The following DNAJC19 variants were observed in gnomAD, a reference collection of about 807,000 sequenced individuals.
DNAJC19 encodes mitochondrial import inner membrane translocase subunit TIM14.
Under a neutral mutation model 19.8 loss-of-function variants are expected in DNAJC19, and 15 were observed. The observed-to-expected ratio is 0.76, with a 90% CI of 0.51 to 1.17. DNAJC19 has a LOEUF of 1.17. DNAJC19 is among the 50% of genes most tolerant of loss of function. The pLI is 0.00. For missense variants in DNAJC19, 105 were observed against 140.9 expected, an observed-to-expected ratio of 0.75 and a Z score of 1.29; for synonymous variants, 38 against 42.1, an observed-to-expected ratio of 0.90 and a Z score of 0.38.
chr3:180,989,309 C>T, intron 1 of DNAJC19: 1 of 1,397,010 alleles, frequency 7.2e-7, no homozygotes, highest in Non-Finnish European at 9.3e-7. Flanking sequence ...CCACTAATCT[C>T]CGAGTCCATG....
At chr3:180,986,272 G>A (rs1319678689) in intron 4 of DNAJC19, among the ~76,000 whole-genome samples, 12 of 148,924 alleles carry the variant, frequency 8.1e-5, no homozygotes, top group Admixed American at 7.5e-4. Context: ...TGAAAATGAA[G>A]AAGGAAGAGT....
chr3:180,988,177 C>A lies in DNAJC19; in HGVS notation c.55+1G>T. 1 of 1,614,118 alleles carries A rather than the reference C, an allele frequency of 6.2e-7. No homozygotes were observed. Among genetic ancestry groups the A allele is most frequent in the Non-Finnish European group, 8.5e-7 (1 of 1,180,018 alleles). On this transcript the variant is annotated splice_donor_variant, in intron 2 of 5. Coordinates refer to ENST00000382564, the MANE Select transcript of DNAJC19 (RefSeq NM_145261.4). LOFTEE classifies it high-confidence loss of function. ...CTTCCATCCCCAAACCATAAACAAA[C>A]CTGCAAATCCTGCAGCAGCAATGGT...
At chr3:180,987,251 T>C in intron 3 of DNAJC19, 1 of 554,252 alleles carries the variant, frequency 1.8e-6, no homozygotes, top group Non-Finnish European at 3.2e-6. Context: ...CAATATGAAC[T>C]ATCTTAGAAA....
intron 1 of DNAJC19, 133 bp downstream of exon 1, chr3:180,989,467 C>T: frequency 6.5e-7 from 1 of 1,529,840 alleles, no homozygotes. Flanking sequence ...GTGAGTGTGA[C>T]TCCCCAATAA....
At chr3:180,986,841 C>G (rs1036373522) in intron 4 of DNAJC19, 102 bp downstream of exon 4, 2 of 955,792 alleles carry the variant, frequency 2.1e-6, no homozygotes, top group African/African-American at 3.3e-5. Flanking sequence ...AGGACAAAAT[C>G]CCCCATGACC....
chr3:180,984,857 C>T (rs1714818058), intron 5 of DNAJC19, 147 bp from the exon 6 acceptor site: 2 of 590,374 alleles, frequency 3.4e-6, no homozygotes, highest in South Asian at 2.1e-5. Context: ...ATAACCCTGA[C>T]ACTGCAACTG....
At chr3:180,988,570 G>A (rs1409593206) in intron 1 of DNAJC19, among the ~76,000 whole-genome samples, 1 of 151,784 alleles carries the variant, frequency 6.6e-6, no homozygotes, top group Non-Finnish European at 1.5e-5. Context: ...ATGCATTAAA[G>A]TTACAGGATT....
At chr3:180,989,823 C>T, upstream of DNAJC19, 1 of 766,220 alleles carries the variant, frequency 1.3e-6, no homozygotes, top group Non-Finnish European at 2.2e-6. Context: ...GTGGACAGAG[C>T]GGAGAAAGCG....
intron 5 of DNAJC19, chr3:180,985,653 G>A (rs1273159540): frequency 2.6e-6 from 1 of 387,060 alleles, no homozygotes; most frequent in African/African-American, 2.0e-5. Context: ...TTACATTTTA[G>A]TTTTACGAAA....
chr3:180,986,292 T>TG (rs1214106380), intron 4 of DNAJC19, among the ~76,000 whole-genome samples: 5 of 142,774 alleles, frequency 3.5e-5, no homozygotes, highest in African/African-American at 9.2e-5. Context: ...TTTTGTTTTT[T>TG]TTTTTTTTTG....
rs1443500153 is a variant in DNAJC19, at chr3:180,988,009, T to C, written c.129+14A>G. The C allele has an allele frequency of 1.2e-6, 2 of 1,614,072 alleles. No homozygotes were observed. The highest frequency in any genetic ancestry group is 2.2e-5 in the East Asian group (1 of 44,870). On this transcript the variant is annotated intron_variant, in intron 3 of 5. Transcript: ENST00000382564. Reference sequence around the variant, plus strand: ...GTTTCAAATAGAAGCAGCAAAGAATTAACAAAGTCTTACAGATTTTGGTAG... The same window carrying C: ...GTTTCAAATAGAAGCAGCAAAGAATCAACAAAGTCTTACAGATTTTGGTAG...
intron 3 of DNAJC19, chr3:180,987,411 C>A (rs1351466539): frequency 3.6e-6 from 1 of 278,252 alleles, no homozygotes; most frequent in African/African-American, 2.2e-5. Flanking sequence ...GTATTTGAAA[C>A]AAGACTTTAA....
At chr3:180,989,218 G>T in intron 1 of DNAJC19, 1 of 881,734 alleles carries the variant, frequency 1.1e-6, no homozygotes, top group Non-Finnish European at 1.5e-6. Context: ...GTCAGCAAAA[G>T]CCAAAGAGAA....
Position 180,984,176 on chromosome 3 carries a change from T to TATC in DNAJC19, c.*461_*463dup, listed in dbSNP as rs912833362. On this transcript the variant is annotated 3_prime_UTR_variant, in exon 6 of 6. Transcript: ENST00000382564. Reference sequence around the variant, plus strand: ...TCACTTTTAAATACAAGGTTCCAAGTATCCAAGTTGCCAGGCCAGTTGCCT... The same window carrying TATC: ...TCACTTTTAAATACAAGGTTCCAAGTATCATCCAAGTTGCCAGGCCAGTTGCCT... 1.9e-4 allele frequency: 88 copies of TATC among 454,000 alleles called. No individual in the cohort carries two copies. In the Admixed American group the frequency reaches 2.0e-3, roughly 11 times the overall value. 28.1% of individuals were successfully genotyped at this position (454,000 alleles called of 1,614,324 possible). A position where few individuals can be genotyped will look rare whatever the true frequency, so the allele number is the denominator to read the frequency against.
chr3:180,984,828 GTGTTTTAAT>G, intron 5 of DNAJC19, 118 bp from the exon 6 acceptor site: 1 of 708,364 alleles, frequency 1.4e-6, no homozygotes, highest in Non-Finnish European at 2.3e-6. Flanking sequence ...AGCAGAAACA[GTGTTTTAAT>G]TTTTAAAAAA....
At chr3:180,988,333 G>T in intron 1 of DNAJC19, 104 bp from the exon 2 acceptor site, 2 of 1,213,868 alleles carry the variant, frequency 1.6e-6, no homozygotes, top group Non-Finnish European at 2.3e-6. Context: ...ATTTTAATAG[G>T]AGAAACAACT....
Position 180,988,069 on chromosome 3 carries a change from T to C in DNAJC19, c.83A>G (p.His28Arg), listed in dbSNP as rs776130966. The change falls in exon 3 of 6, where the codon CAT (histidine) becomes CGT (arginine). Residue 28 changes from histidine (H) to arginine (R), a missense_variant. His to Arg is a conservative substitution (Grantham distance 29). Coordinates refer to ENST00000382564, the MANE Select transcript of DNAJC19 (RefSeq NM_145261.4). ...AGRYVLQAMK[H>R]MEPQVKQVFQ... ...AACTTGTTTTACTTGAGGCTCCATA[T>C]GCTTCATGGCTTGCAAAACGTAACG... 6.8e-6 allele frequency: 11 copies of C among 1,614,232 alleles called. No individual in the cohort carries two copies. The highest frequency in any genetic ancestry group is 9.3e-6 in the Non-Finnish European group (11 of 1,180,034).
chr3:180,986,061 T>G, intron 4 of DNAJC19, 65 bp from the exon 5 acceptor site: 1 of 1,308,284 alleles, frequency 7.6e-7, no homozygotes, highest in Non-Finnish European at 1.1e-6. Context: ...AAACTGTACA[T>G]AAAGGCCAAT....
At chr3:180,986,080 CTG>C (rs1714890263) in intron 4 of DNAJC19, 84 bp from the exon 5 acceptor site, 7 of 1,067,650 alleles carry the variant, frequency 6.6e-6, no homozygotes, top group South Asian at 2.6e-5. Context: ...ATTAAAGACA[CTG>C]TGAAACTGTA....
Sources: allele counts gnomAD v4.1 joint callset (sites outside exome capture counted in the v4.1 genomes callset), GRCh38; gene constraint gnomAD v4.1.1; transcripts MANE v1.5; gene names NCBI Gene and HGNC (gene_info 2026-07-23, HGNC 2026-07-21).